SLC15A1: variants seen among roughly 807,000 people sequenced by gnomAD.
The protein encoded by SLC15A1 is solute carrier family 15 member 1.
SLC15A1 carries 83 observed loss-of-function variants against 92.9 expected under a neutral mutation model. The observed-to-expected ratio is 0.89, with a 90% CI of 0.75 to 1.07. The LOEUF is 1.07. SLC15A1 is among the 50% of genes least tolerant of loss of function. The probability of loss-of-function intolerance (pLI) is 0.00; values close to 1 mark genes in which losing one functional copy is unlikely to be tolerated. For synonymous variants in SLC15A1, 322 were observed against 318.2 expected, an observed-to-expected ratio of 1.01 and a Z score of -0.13; for missense variants, 857 against 880.1, an observed-to-expected ratio of 0.97 and a Z score of 0.33.
In SLC15A1 at chr13:98,726,379, T is replaced by C. The variant is rs147593798; in HGVS notation, c.92A>G (p.Tyr31Cys). 5.6e-6 allele frequency: 9 copies of C among 1,614,112 alleles called. No individual in the cohort carries two copies. Among genetic ancestry groups the C allele is most frequent in the South Asian group, 1.1e-5 (1 of 91,078 alleles). ...GCCAATACAGTTACCTCGCATTCCA[T>C]AGTAGGAAAATCTTTCGCAAAACTC... ...VNEFCERFSY[Y>C]GMRAILILYF... Residue 31 changes from tyrosine (Y) to cysteine (C), a missense_variant, in exon 3 of 23, where the codon TAT becomes TGT. By Grantham distance (194) the Tyr-to-Cys change is radical. Coordinates refer to ENST00000376503, the MANE Select transcript of SLC15A1 (RefSeq NM_005073.4).
rs2087915888 is a variant in SLC15A1, at chr13:98,684,631, C to T, written c.*93G>A. On this transcript the variant is annotated 3_prime_UTR_variant, in exon 23 of 23. Transcript: ENST00000376503. ...TAGTTCCCAATTCTGAAGTCTTCCT[C>T]ATCAGGGGCCATCCAATGGAGTGTC... 1 of 867,314 alleles carries T rather than the reference C, an allele frequency of 1.2e-6. No individual in the cohort carries two copies. The highest frequency in any genetic ancestry group is 1.8e-6 in the Non-Finnish European group (1 of 547,066). The allele number at this position is 867,314 out of a possible 1,614,324, so 53.7% of individuals were successfully genotyped here. A position where few individuals can be genotyped will look rare whatever the true frequency, so the allele number is the denominator to read the frequency against.
At position 98,726,827 on chromosome 13, in the gene SLC15A1, G is replaced by C; in HGVS notation, c.21+16C>G. On this transcript the variant is annotated intron_variant, in intron 2 of 22. Coordinates refer to ENST00000376503, the MANE Select transcript of SLC15A1 (RefSeq NM_005073.4). ...TACAAGATGAAGATATGTAGAGAAG[G>C]AAAAAGGGTACTCACGTGTGATTTG... The C allele has an allele frequency of 6.2e-7, 1 of 1,611,778 alleles. No homozygotes were observed. Among genetic ancestry groups the C allele is most frequent in the Non-Finnish European group, 8.5e-7 (1 of 1,178,014 alleles).
rs558276843 is a variant in SLC15A1 at position 98,726,395 on chromosome 13, C to T, written c.76G>A (p.Glu26Lys). The T allele has an allele frequency of 3.0e-5, 48 of 1,614,146 alleles. No homozygotes were observed. The highest frequency in any genetic ancestry group is 1.6e-4 in the Middle Eastern group (1 of 6,062). Reference sequence around the variant, plus strand: ...CGCATTCCATAGTAGGAAAATCTTTCGCAAAACTCATTGACCACGATGAAG... The same window carrying T: ...CGCATTCCATAGTAGGAAAATCTTTTGCAAAACTCATTGACCACGATGAAG... ...IFFIVVNEFC[E>K]RFSYYGMRAI... Residue 26 changes from glutamate (E) to lysine (K), a missense_variant, in exon 3 of 23, where the codon GAA becomes AAA. Glu to Lys is a moderately conservative substitution (Grantham distance 56, BLOSUM62 1). Coordinates refer to ENST00000376503, the MANE Select transcript of SLC15A1 (RefSeq NM_005073.4).
chr13:98,727,741 C>T (rs2088314309), intron 1 of SLC15A1, among the ~76,000 whole-genome samples: 1 of 152,242 alleles, frequency 6.6e-6, no homozygotes, highest in Non-Finnish European at 1.5e-5. Context: ...TACACAAACA[C>T]ATTGCCCTGT....
At chr13:98,693,086 C>T (rs1167164629) in intron 18 of SLC15A1, among the ~76,000 whole-genome samples, 6 of 111,852 alleles carry the variant, frequency 5.4e-5, no homozygotes, top group Admixed American at 4.0e-4. Context: ...TTATTGTCTA[C>T]GTTTTTTTTT....
chr13:98,729,543 G>A (rs2088330687), intron 1 of SLC15A1, among the ~76,000 whole-genome samples: 1 of 152,154 alleles, frequency 6.6e-6, no homozygotes, highest in Non-Finnish European at 1.5e-5. Flanking sequence ...TCACTTCCCT[G>A]GTTCCAAACG....
chr13:98,691,459 A>G (rs1180448917), intron 18 of SLC15A1, among the ~76,000 whole-genome samples: 2 of 152,232 alleles, frequency 1.3e-5, no homozygotes, highest in Non-Finnish European at 2.9e-5. Context: ...ATGAACATGC[A>G]TGCACAAGTT....
rs188657137 is a variant in SLC15A1, at chr13:98,730,747, A to G, written c.5-3888T>C. ...AGGGGAAATTCAGTGTTTGTGGGAC[A>G]CGTTTCCTAAGGCCCCGTTTATCAG... On this transcript the variant is annotated intron_variant, in intron 1 of 22. Transcript: ENST00000376503. Among the ~76,000 whole-genome samples the G allele has an allele frequency of 1.2e-3, 182 of 152,306 alleles. 1 individual carries two copies. Among genetic ancestry groups the G allele is most frequent in the Middle Eastern group, 0.01 (3 of 294 alleles).
intron 5 of SLC15A1, among the ~76,000 whole-genome samples, chr13:98,722,258 T>C (rs1244954868): frequency 2.0e-5 from 3 of 152,212 alleles, no homozygotes; most frequent in South Asian, 2.1e-4. Flanking sequence ...CCTGGTACAG[T>C]CATAACCGAC....
rs554444063 is a variant in SLC15A1, at chr13:98,721,886, C to T, written c.383G>A (p.Gly128Asp). The T allele has an allele frequency of 6.2e-7, 1 of 1,613,742 alleles. No individual in the cohort carries two copies. Among genetic ancestry groups the T allele is most frequent in the East Asian group, 2.2e-5 (1 of 44,890 alleles). Residue 128 changes from glycine to aspartate, a missense_variant, in exon 6 of 23, where the codon GGC becomes GAC. Gly to Asp is a moderately conservative substitution (Grantham distance 94). Transcript: ENST00000376503. ...AGTCCCGAGAGCTATCAGGGCCAGG[C>T]CGATCAAGGACAGCACCCTGGGAAA... ...LPVHVVLSLI[G>D]LALIALGTGG...
At chr13:98,706,292 A>T (rs8187837) in intron 15 of SLC15A1, 39 bp from the exon 16 acceptor site, 1 of 1,603,608 alleles carries the variant, frequency 6.2e-7, no homozygotes, top group South Asian at 1.1e-5. Flanking sequence ...GAGGTCTTCA[A>T]TACAACATGG....
At chr13:98,709,839 G>T (rs1255029465) in intron 12 of SLC15A1, 28 bp downstream of exon 12, 1 of 1,614,164 alleles carries the variant, frequency 6.2e-7, no homozygotes, top group Non-Finnish European at 8.5e-7. Context: ...AGGGGACAAA[G>T]AAACTAAAAC....
chr13:98,695,118 T>C (rs2088011621), intron 18 of SLC15A1, among the ~76,000 whole-genome samples: 2 of 151,696 alleles, frequency 1.3e-5, no homozygotes, highest in South Asian at 4.2e-4. Context: ...CAGAATGACA[T>C]GCATGCAGGA....
intron 11 of SLC15A1, among the ~76,000 whole-genome samples, chr13:98,710,721 T>G (rs748434688): frequency 1.4e-5 from 2 of 143,878 alleles, no homozygotes; most frequent in Non-Finnish European, 3.0e-5. Context: ...GGCAGGAGAA[T>G]CGCTTGAACT....
chr13:98,709,652 G>A lies in SLC15A1; in HGVS notation c.987C>T (p.Asn329=), dbSNP rs1355149702. ...GGACCATGATCACGATCAGGATGGC[G>A]TTCACGGTCTGCAGAGGAAGTGGAG... ...EIQPDQMQTV[N]AILIVIMVPI... is the part of the protein sequence containing the mutation. The change falls in exon 14 of 23, where the codon AAC becomes AAT. Residue 329 remains asparagine, a synonymous_variant. Coordinates refer to ENST00000376503, the MANE Select transcript of SLC15A1 (RefSeq NM_005073.4). 29 of 1,614,056 alleles carry A rather than the reference G, an allele frequency of 1.8e-5. 1 individual carries two copies. The highest frequency in any genetic ancestry group is 8.9e-5 in the East Asian group (4 of 44,882).
intron 4 of SLC15A1, among the ~76,000 whole-genome samples, chr13:98,725,640 C>G (rs1353343381): frequency 6.6e-6 from 1 of 152,206 alleles, no homozygotes; most frequent in Non-Finnish European, 1.5e-5. Flanking sequence ...CTTGCAGTCA[C>G]TAAATGTCAG....
chr13:98,689,149 A>T (rs2087956221), intron 18 of SLC15A1, among the ~76,000 whole-genome samples: 1 of 152,210 alleles, frequency 6.6e-6, no homozygotes, highest in Non-Finnish European at 1.5e-5. Context: ...CATGTTGGCC[A>T]GGCTGGTCTT....
At chr13:98,694,507 G>A (rs1209565551) in intron 18 of SLC15A1, among the ~76,000 whole-genome samples, 1 of 151,920 alleles carries the variant, frequency 6.6e-6, no homozygotes. Context: ...CATACATAGT[G>A]GGTGCATGCT....
chr13:98,700,922 G>T (rs2088061966), intron 18 of SLC15A1, among the ~76,000 whole-genome samples: 1 of 152,136 alleles, frequency 6.6e-6, no homozygotes, highest in Non-Finnish European at 1.5e-5. Flanking sequence ...ATTTTGTCTT[G>T]ATTGCTGTAA....
Sources: gnomAD v4.1 joint callset for allele counts (sites outside exome capture counted in the v4.1 genomes callset) on GRCh38, gnomAD v4.1.1 for gene constraint, MANE v1.5 for transcripts, NCBI Gene and HGNC (gene_info 2026-07-23, HGNC 2026-07-21) for gene names.